The following SFPQ variants were observed in gnomAD, a reference collection of about 807,000 sequenced individuals.
SFPQ encodes the protein splicing factor proline and glutamine rich, also known as splicing factor, proline- and glutamine-rich.
A neutral mutation model predicts 72.9 loss-of-function variants in SFPQ; 11 were observed. The ratio of observed to expected loss-of-function variants is 0.15; its 90% CI spans 0.09 to 0.25. SFPQ has a LOEUF of 0.25. SFPQ is among the 10% of genes least tolerant of loss of function. The pLI, the probability that SFPQ is intolerant of heterozygous loss-of-function variation, is 1.00. For synonymous variants in SFPQ, 506 were observed against 367.3 expected (o/e 1.38, Z -4.32); for missense variants, 847 against 993.3 (o/e 0.85, Z 1.98).
At position 35,192,397 on chromosome 1, in the gene SFPQ, G is replaced by A. The variant is rs748129772; in HGVS notation, c.653C>T (p.Pro218Leu). 4.2e-6 allele frequency: 6 copies of A among 1,420,120 alleles called. No homozygotes were observed. In the South Asian group the frequency reaches 7.3e-5, roughly 17 times the overall value. 88.0% of individuals were successfully genotyped at this position (1,420,120 alleles called of 1,614,324 possible). A position where few individuals can be genotyped will look rare whatever the true frequency, so the allele number is the denominator to read the frequency against. Reference protein sequence around the residue: ...KGGKMPGGPKPGGGPGLSTPG... With the variant: ...KGGKMPGGPKLGGGPGLSTPG... ...CGTACTTAGGCCCGGGCCGCCACCTGGCTTCGGCCCGCCAGGCATTTTGCC... is the reference window on the plus strand; with the variant it reads ...CGTACTTAGGCCCGGGCCGCCACCTAGCTTCGGCCCGCCAGGCATTTTGCC... Residue 218 changes from proline (P) to leucine (L), a missense_variant, in exon 1 of 10, where the codon CCA becomes CTA. Pro to Leu is a moderately conservative substitution (Grantham distance 98). Transcript: ENST00000357214.
downstream of SFPQ, chr1:35,179,024 G>C (rs566250540): frequency 9.4e-7 from 1 of 1,058,724 alleles, no homozygotes; most frequent in Non-Finnish European, 1.1e-6. Context: ...AATGACAGAT[G>C]ATTAGGAGCA....
Position 35,192,573 on chromosome 1 carries a change from C to T in SFPQ, c.477G>A (p.Ser159=). The T allele has an allele frequency of 7.5e-7, 1 of 1,335,942 alleles. No individual in the cohort carries two copies. The highest frequency in any genetic ancestry group is 9.5e-7 in the Non-Finnish European group (1 of 1,049,770). The allele number at this position is 1,335,942 out of a possible 1,614,324, so 82.8% of individuals were successfully genotyped here. Residue 159 remains serine (S), a synonymous_variant, in exon 1 of 10, where the codon TCG becomes TCA. Coordinates refer to ENST00000357214, the MANE Select transcript of SFPQ (RefSeq NM_005066.3). ...PTPTPPPAVT[S]APPGAPPPTP... is the part of the protein sequence containing the mutation. ...TGGGTGGCGGCGCCCCGGGAGGGGC[C>T]GAGGTGACTGCAGGCGGCGGGGTCG...
intron 6 of SFPQ, 118 bp from the exon 7 acceptor site, chr1:35,188,208 AGAGTG>A: frequency 1.3e-6 from 1 of 760,138 alleles, no homozygotes; most frequent in Non-Finnish European, 2.3e-6. Context: ...ACAAAGGCTT[AGAGTG>A]AGCCTAGGGG....
intron 6 of SFPQ, 28 bp from the exon 7 acceptor site, chr1:35,188,118 G>T: frequency 1.4e-6 from 2 of 1,478,434 alleles, no homozygotes; most frequent in Non-Finnish European, 9.5e-7. Context: ...GTACATAACT[G>T]AAGTGTTATC....
At position 35,182,952 on chromosome 1, in the gene SFPQ, A is replaced by G. The variant is rs1053947; in HGVS notation, c.*1504T>C. On this transcript the variant is annotated 3_prime_UTR_variant, in exon 10 of 10. Transcript: ENST00000357214. ...CACCATGGAAACATTCCAAGCCTTT[A>G]TGGTGGGAGGAAGGGATATTTGTAC... 3 of 1,041,120 alleles carry G rather than the reference A, an allele frequency of 2.9e-6. No homozygotes were observed. The highest frequency in any genetic ancestry group is 3.5e-6 in the Non-Finnish European group (3 of 864,298). The allele number at this position is 1,041,120 out of a possible 1,614,324, so 64.5% of individuals were successfully genotyped here.
In SFPQ at chr1:35,189,276, C is replaced by T. The variant is rs1639878003; in HGVS notation, c.1522G>A (p.Val508Ile). Residue 508 changes from valine to isoleucine, a missense_variant, in exon 5 of 10, where the codon GTT becomes ATT. By Grantham distance (29) the Val-to-Ile change is conservative (BLOSUM62 3). Coordinates refer to ENST00000357214, the MANE Select transcript of SFPQ (RefSeq NM_005066.3). The stretch of plus-strand genomic sequence containing the variant: ...TTTGCATCTTTCATGTTTTTTTCAA[C>T]TTGTTCCCTTTGCTGTTTTTCCATT... ...DEMEKQQREQ[V>I]EKNMKDAKDK... is the part of the protein sequence containing the mutation. 6.2e-7 allele frequency: 1 copy of T among 1,613,494 alleles called. No individual in the cohort carries two copies. The highest frequency in any genetic ancestry group is 1.3e-5 in the African/African-American group (1 of 74,856).
chr1:35,183,067 T>A lies in SFPQ; in HGVS notation c.*1389A>T. The stretch of plus-strand genomic sequence containing the variant: ...GTTAAATTTACAATAAGAATGATTA[T>A]CTGCAACCCTATTTGTTAACAATCA... On this transcript the variant is annotated 3_prime_UTR_variant, in exon 10 of 10. Transcript: ENST00000357214. 9.7e-7 allele frequency: 1 copy of A among 1,032,582 alleles called. No individual in the cohort carries two copies. Among genetic ancestry groups the A allele is most frequent in the Non-Finnish European group, 1.2e-6 (1 of 858,696 alleles). The allele number at this position is 1,032,582 out of a possible 1,614,324, so 64.0% of individuals were successfully genotyped here. A position where few individuals can be genotyped will look rare whatever the true frequency, so the allele number is the denominator to read the frequency against.
chr1:35,191,587 C>A (rs975994593), intron 1 of SFPQ, 58 bp from the exon 2 acceptor site: 2 of 1,363,976 alleles, frequency 1.5e-6, no homozygotes, highest in African/African-American at 2.9e-5. Context: ...TGAAAATCCC[C>A]AAGATAGTAT....
chr1:35,185,159 CA>C (rs1456591882), intron 9 of SFPQ, among the ~76,000 whole-genome samples: 3 of 152,122 alleles, frequency 2.0e-5, no homozygotes, highest in Admixed American at 6.5e-5. Flanking sequence ...TACCAGACTA[CA>C]AAAAGAAAAA....
chr1:35,178,245 A>C (rs1180843729), downstream of SFPQ: 2 of 1,096,862 alleles, frequency 1.8e-6, no homozygotes, highest in African/African-American at 3.3e-5. Flanking sequence ...CTGAATTAGA[A>C]TGAAAACTGT....
intron 4 of SFPQ, among the ~76,000 whole-genome samples, chr1:35,189,985 G>A (rs868448497): frequency 6.6e-6 from 1 of 151,982 alleles, no homozygotes; most frequent in African/African-American, 2.4e-5. Context: ...ACTTCAGCCA[G>A]GCACGGTGCA....
intron 9 of SFPQ, 115 bp downstream of exon 9, chr1:35,186,886 G>A: frequency 4.0e-6 from 4 of 1,010,550 alleles, no homozygotes; most frequent in Admixed American, 2.5e-5. Flanking sequence ...AATTGGTAGG[G>A]GAAACTAAAA....
chr1:35,187,454 G>T (rs535430781), intron 7 of SFPQ, among the ~76,000 whole-genome samples: 1 of 152,172 alleles, frequency 6.6e-6, no homozygotes, highest in Non-Finnish European at 1.5e-5. Flanking sequence ...TTCAAGGCCG[G>T]GAGCAGTGGC....
rs2148610848 is a variant in SFPQ at position 35,183,402 on chromosome 1, A to G, written c.*1054T>C. 1 of 310,200 alleles carries G rather than the reference A, an allele frequency of 3.2e-6. No homozygotes were observed. The highest frequency in any genetic ancestry group is 4.8e-6 in the Non-Finnish European group (1 of 207,414). 19.2% of individuals were successfully genotyped at this position (310,200 alleles called of 1,614,324 possible). On this transcript the variant is annotated 3_prime_UTR_variant, in exon 10 of 10. Transcript: ENST00000357214. ...CCAGCTAATTTTTTGTATTTTTAGT[A>G]GAGACGGGGTTTCACCATGTTGGCC...
intron 9 of SFPQ, among the ~76,000 whole-genome samples, chr1:35,185,336 C>A (rs1639657159): frequency 6.6e-6 from 1 of 152,158 alleles, no homozygotes; most frequent in African/African-American, 2.4e-5. Flanking sequence ...AATGAACAAA[C>A]CCCACCCACC....
downstream of SFPQ, chr1:35,179,531 C>T (rs1639381949): frequency 1.1e-5 from 12 of 1,051,860 alleles, no homozygotes; most frequent in African/African-American, 1.7e-5. Context: ...CTCGGTATAG[C>T]ATTATTACTG....
chr1:35,178,942 G>A, downstream of SFPQ: 1 of 1,052,274 alleles, frequency 9.5e-7, no homozygotes, highest in Non-Finnish European at 1.1e-6. Flanking sequence ...ACGTTTTTAT[G>A]GTTAATGGTT....
intron 9 of SFPQ, among the ~76,000 whole-genome samples, chr1:35,185,174 TAAGACTATAGATTTAG>T (rs1253745289): frequency 6.6e-6 from 1 of 152,330 alleles, no homozygotes; most frequent in Non-Finnish European, 1.5e-5. Flanking sequence ...AGAAAAAGCA[TAAGACTATAGATTTAG>T]TCACTTAACC....
intron 5 of SFPQ, among the ~76,000 whole-genome samples, chr1:35,176,872 T>TAA (rs1639264915): frequency 8.9e-6 from 1 of 112,686 alleles, no homozygotes; most frequent in African/African-American, 4.2e-5. Context: ...AGACTCCGTC[T>TAA]CAAAAAAAAA....
Sources: gnomAD v4.1 joint callset for allele counts (sites outside exome capture counted in the v4.1 genomes callset) on GRCh38, gnomAD v4.1.1 for gene constraint, MANE v1.5 for transcripts, NCBI Gene and HGNC (gene_info 2026-07-23, HGNC 2026-07-21) for gene names.